Variants in FAM185A observed in about 807,000 individuals in gnomAD.
The protein encoded by FAM185A is family with sequence similarity 185 member A.
A neutral mutation model predicts 45.7 loss-of-function variants in FAM185A; 21 were observed. The ratio of observed to expected loss-of-function variants is 0.46; its 90% CI spans 0.33 to 0.66. The LOEUF (loss-of-function observed/expected upper bound fraction) is 0.66, where lower values mean the gene tolerates loss of function less well. Ranked by LOEUF, FAM185A falls within the 30% of genes least tolerant of loss-of-function variation. FAM185A has a pLI of 0.03. For missense variants in FAM185A, 305 were observed against 485.4 expected, an observed-to-expected ratio of 0.63 and a Z score of 3.49; for synonymous variants, 117 against 194.0, an observed-to-expected ratio of 0.60 and a Z score of 3.30.
chr7:102,775,607 G>A (rs1424470375), intron 5 of FAM185A, among the ~76,000 whole-genome samples: 1 of 151,994 alleles, frequency 6.6e-6, no homozygotes, highest in African/African-American at 2.4e-5. Flanking sequence ...TTTCTCATTT[G>A]GAGGGAAAAA....
At chr7:102,829,147 C>T in the FAM185A span, among the ~76,000 whole-genome samples, 4,446 of 152,272 alleles carry the variant, frequency 0.029, 187 homozygotes, top group East Asian at 0.16. Context: ...CCCTCAGCTG[C>T]GGTGCAAGTG....
chr7:102,822,466 A>C, the FAM185A span: 1 of 588,534 alleles, frequency 1.7e-6, no homozygotes, highest in Non-Finnish European at 3.2e-6. Flanking sequence ...AGAGAGAGAG[A>C]GCTCTAGTCT....
chr7:102,820,759 TC>T, the FAM185A span, among the ~76,000 whole-genome samples: 1 of 152,188 alleles, frequency 6.6e-6, no homozygotes, highest in Non-Finnish European at 1.5e-5. Flanking sequence ...AGGAACCCAC[TC>T]CCATGATAAC....
At chr7:102,755,948 T>G (rs1793695803) in intron 2 of FAM185A, 1 of 562,220 alleles carries the variant, frequency 1.8e-6, no homozygotes, top group East Asian at 3.0e-5. Flanking sequence ...AAATGTACAC[T>G]GTTGTGTTTT....
the FAM185A span, among the ~76,000 whole-genome samples, chr7:102,842,985 C>T: frequency 2.6e-5 from 4 of 152,226 alleles, no homozygotes; most frequent in Non-Finnish European, 5.9e-5. Context: ...ATGGCTGCCG[C>T]CCTTCCCAGT....
chr7:102,830,790 T>C, the FAM185A span, among the ~76,000 whole-genome samples: 1 of 152,244 alleles, frequency 6.6e-6, no homozygotes, highest in African/African-American at 2.4e-5. Flanking sequence ...GAGAACACGA[T>C]TGTTAATAAC....
rs918808372 is a variant in FAM185A at position 102,809,088 on chromosome 7, C to T, written c.*686C>T. ...TCCCACTCAAGGAAAGGAGATTATA[C>T]AAAGGCATCCATCATGTGGGGACAA... is the stretch of plus-strand genomic sequence containing the variant. On this transcript the variant is annotated 3_prime_UTR_variant, in exon 8 of 8. Coordinates refer to ENST00000413034, the MANE Select transcript of FAM185A (RefSeq NM_001145268.2). The T allele has an allele frequency of 3.3e-5, 5 of 152,208 alleles. No individual in the cohort carries two copies. Among genetic ancestry groups the T allele is most frequent in the African/African-American group, 1.2e-4 (5 of 41,434 alleles). The allele number at this position is 152,208 out of a possible 1,614,324, so 9.4% of individuals were successfully genotyped here. A position where few individuals can be genotyped will look rare whatever the true frequency, so the allele number is the denominator to read the frequency against.
intron 7 of FAM185A, among the ~76,000 whole-genome samples, chr7:102,804,826 C>G (rs917576020): frequency 6.6e-6 from 1 of 151,954 alleles, no homozygotes; most frequent in African/African-American, 2.4e-5. Context: ...TGAACTCAAA[C>G]AAATCAGTAA....
At chr7:102,819,304 A>T in the FAM185A span, among the ~76,000 whole-genome samples, 1 of 152,154 alleles carries the variant, frequency 6.6e-6, no homozygotes, top group African/African-American at 2.4e-5. Context: ...CTTGAAATAA[A>T]GGAGCCTTTA....
the FAM185A span, among the ~76,000 whole-genome samples, chr7:102,818,283 C>T: frequency 4.6e-4 from 70 of 152,244 alleles, no homozygotes; most frequent in African/African-American, 1.6e-3. Context: ...AATATAAAGG[C>T]GAAGAGCAGC....
the FAM185A span, among the ~76,000 whole-genome samples, chr7:102,839,185 G>A: frequency 6.6e-6 from 1 of 152,158 alleles, no homozygotes; most frequent in Admixed American, 6.5e-5. Flanking sequence ...TCTGGCTTAC[G>A]TGCACATCCA....
chr7:102,783,096 A>C (rs1178878207), intron 6 of FAM185A, among the ~76,000 whole-genome samples: 2 of 151,914 alleles, frequency 1.3e-5, no homozygotes, highest in African/African-American at 2.4e-5. Context: ...ACAAGAAGAG[A>C]TAACTATCGT....
intron 1 of FAM185A, among the ~76,000 whole-genome samples, chr7:102,750,699 C>T (rs561525227): frequency 6.6e-6 from 1 of 151,998 alleles, no homozygotes; most frequent in South Asian, 2.1e-4. Context: ...AGTGGGGGGG[C>T]GGGTCTTGCC....
chr7:102,774,072 A>G (rs576047070), intron 5 of FAM185A, among the ~76,000 whole-genome samples: 89 of 152,184 alleles, frequency 5.8e-4, no homozygotes, highest in Admixed American at 1.3e-3. Context: ...GTATCTTCCA[A>G]TTAATGAACA....
the FAM185A span, among the ~76,000 whole-genome samples, chr7:102,815,408 C>T: frequency 1.3e-5 from 2 of 152,144 alleles, no homozygotes; most frequent in Non-Finnish European, 2.9e-5. Context: ...CGAGAGATTT[C>T]AGCAGCTTAC....
the FAM185A span, among the ~76,000 whole-genome samples, chr7:102,837,153 C>A: frequency 6.6e-6 from 1 of 152,222 alleles, no homozygotes; most frequent in South Asian, 2.1e-4. Flanking sequence ...AGCTACACTC[C>A]ACCAACAATG....
At chr7:102,794,881 G>T (rs535025081) in intron 7 of FAM185A, among the ~76,000 whole-genome samples, 4 of 152,304 alleles carry the variant, frequency 2.6e-5, no homozygotes, top group African/African-American at 9.6e-5. Context: ...GCATTATTCT[G>T]AGTGAAAAAA....
chr7:102,766,589 TAGAA>T (rs1188401822), intron 4 of FAM185A, among the ~76,000 whole-genome samples: 62 of 150,478 alleles, frequency 4.1e-4, no homozygotes, highest in East Asian at 5.8e-4. Flanking sequence ...TTTGTAAACT[TAGAA>T]AGTCAGAAAT....
chr7:102,772,703 A>T, intron 5 of FAM185A, among the ~76,000 whole-genome samples: 1 of 152,004 alleles, frequency 6.6e-6, no homozygotes, highest in African/African-American at 2.4e-5. Context: ...AGAAAAAAAG[A>T]TCTTACAAAT....
Sources: gnomAD v4.1 joint callset for allele counts (sites outside exome capture counted in the v4.1 genomes callset) on GRCh38, gnomAD v4.1.1 for gene constraint, MANE v1.5 for transcripts, NCBI Gene and HGNC (gene_info 2026-07-23, HGNC 2026-07-21) for gene names.